Variants in DST observed in about 807,000 individuals in gnomAD.
The protein encoded by DST is dystonin, also known as bullous pemphigoid antigen.
In DST, 253 loss-of-function variants were observed where a neutral mutation model predicts 875.2. The observed-to-expected ratio is 0.29, with a 90% confidence interval of 0.26 to 0.32. The LOEUF is 0.32. Among genes scored for constraint, DST ranks in the 10% least tolerant of loss-of-function variants. DST has a pLI of 1.00. For synonymous variants in DST, 3,124 were observed against 3,197.1 expected, an observed-to-expected ratio of 0.98 and a Z score of 0.77; for missense variants, 8,287 against 9,111.6, an observed-to-expected ratio of 0.91 and a Z score of 3.68.
intron 54 of DST, among the ~76,000 whole-genome samples, chr6:56,568,860 T>C (rs951539353): frequency 6.6e-6 from 1 of 152,148 alleles, no homozygotes; most frequent in Admixed American, 6.6e-5. Flanking sequence ...AGTCAGGCTA[T>C]TCCTGGCTGC....
rs1231711765 is a variant in DST, at chr6:56,594,035, T to G, written c.12354A>C (p.Ala4118=). The change falls in exon 48 of 104, where the codon GCA becomes GCC. Residue 4118 remains alanine, a synonymous_variant. Transcript: ENST00000680361. ...TCATTTTCTTCTCTGACTCAGCCAG[T>G]GCAGTTTCATAATGCACTTTCAGTT... ...MKELKVHYET[A]LAESEKKMKL... 1 of 1,613,710 alleles carries G rather than the reference T, an allele frequency of 6.2e-7. No homozygotes were observed. The highest frequency in any genetic ancestry group is 8.5e-7 in the Non-Finnish European group (1 of 1,179,864).
At chr6:56,742,252 T>C in intron 4 of DST, 1 of 1,261,694 alleles carries the variant, frequency 7.9e-7, no homozygotes, top group Non-Finnish European at 1.0e-6. Context: ...AAAGTGATAG[T>C]ATATGTGATA....
intron 7 of DST, among the ~76,000 whole-genome samples, chr6:56,703,411 T>C (rs1238311198): frequency 1.3e-5 from 2 of 152,194 alleles, no homozygotes; most frequent in African/African-American, 4.8e-5. Context: ...TTAATTACCA[T>C]GCAGTGCACA....
intron 4 of DST, among the ~76,000 whole-genome samples, chr6:56,763,472 A>C (rs1449397906): frequency 6.6e-6 from 1 of 151,420 alleles, no homozygotes; most frequent in African/African-American, 2.4e-5. Flanking sequence ...AGGAGTTCGA[A>C]ACCAGCCTGG....
intron 36 of DST, chr6:56,617,062 T>A: frequency 6.2e-7 from 1 of 1,614,080 alleles, no homozygotes; most frequent in Non-Finnish European, 8.5e-7. Flanking sequence ...TTGAGGTGGC[T>A]TTCGTCAGAA....
rs1302765227 is a variant in DST, at chr6:56,920,152, G to C, written c.217-19531C>G. ...GCTACTGTAACAAAGAGATCCAAAA[G>C]TACAGCTATTAAAATAAGATCCAGT... On this transcript the variant is annotated intron_variant, in intron 2 of 103. Transcript: ENST00000680361. Among the ~76,000 whole-genome samples, 3 of 152,242 alleles carry C rather than the reference G, an allele frequency of 2.0e-5. No individual in the cohort carries two copies. The East Asian group carries it at 5.8e-4, about 29-fold the overall frequency.
At chr6:56,530,741 T>C (rs1429304731) in intron 64 of DST, among the ~76,000 whole-genome samples, 1 of 152,216 alleles carries the variant, frequency 6.6e-6, no homozygotes, top group African/African-American at 2.4e-5. Flanking sequence ...GGACTTTTAC[T>C]GGTACTTTAA....
intron 5 of DST, among the ~76,000 whole-genome samples, chr6:56,722,698 T>C (rs2099426794): frequency 6.6e-6 from 1 of 152,228 alleles, no homozygotes; most frequent in African/African-American, 2.4e-5. Flanking sequence ...TAGTACATGT[T>C]CTTTTTAGAA....
chr6:56,875,246 A>G (rs1427278285), intron 3 of DST, among the ~76,000 whole-genome samples: 1 of 152,128 alleles, frequency 6.6e-6, no homozygotes, highest in African/African-American at 2.4e-5. Context: ...AGCCTCCCAA[A>G]GTGCTGGGAT....
At chr6:56,535,470 A>C (rs1402180774) in intron 62 of DST, among the ~76,000 whole-genome samples, 178 bp from the exon 63 acceptor site, 1 of 152,198 alleles carries the variant, frequency 6.6e-6, no homozygotes. Flanking sequence ...AAGGAGACAA[A>C]CTTTAAGCAA....
At chr6:56,901,917 TA>T (rs1794322552) in intron 2 of DST, among the ~76,000 whole-genome samples, 1 of 152,106 alleles carries the variant, frequency 6.6e-6, no homozygotes. Context: ...AAATCTAACA[TA>T]GAGTTCATAA....
chr6:56,644,258 C>G (rs138984550), intron 15 of DST, among the ~76,000 whole-genome samples: 265 of 152,260 alleles, frequency 1.7e-3, no homozygotes, highest in African/African-American at 6.2e-3. Flanking sequence ...AAAGCTGCAT[C>G]CTGTATATTT....
intron 47 of DST, among the ~76,000 whole-genome samples, chr6:56,594,448 C>T (rs1384827699): frequency 2.0e-5 from 3 of 152,112 alleles, no homozygotes; most frequent in Admixed American, 1.3e-4. Flanking sequence ...AGGACAGACA[C>T]CATTTTTCAG....
Position 56,843,803 on chromosome 6 carries a change from C to CGGG in DST, c.625+7593_625+7594insCCC, listed in dbSNP as rs1489812979. The CGGG allele has an allele frequency of 1.3e-5, 8 of 596,860 alleles. No homozygotes were observed. The African/African-American group carries it at 1.6e-4, about 12-fold the overall frequency. The allele number at this position is 596,860 out of a possible 1,614,324, so 37.0% of individuals were successfully genotyped here. A position where few individuals can be genotyped will look rare whatever the true frequency, so the allele number is the denominator to read the frequency against. On this transcript the variant is annotated intron_variant, in intron 4 of 103. Coordinates refer to ENST00000680361, the MANE Select transcript of DST (RefSeq NM_001374736.1). ...GGGGCGAGCGCGGCGGTCAGCGCCCCGGCTGGCTCAGCTCCGGCCCCGGCG... is the reference window on the plus strand; with the variant it reads ...GGGGCGAGCGCGGCGGTCAGCGCCCCGGGGGCTGGCTCAGCTCCGGCCCCGGCG...
chr6:56,633,548 GC>G (rs2098801057), intron 27 of DST, among the ~76,000 whole-genome samples: 1 of 143,926 alleles, frequency 6.9e-6, no homozygotes, highest in South Asian at 2.2e-4. Flanking sequence ...CACTCTTATT[GC>G]CCAGGCTGGA....
At chr6:56,901,018 GTGCCACTTTAC>G (rs1793820912) in intron 2 of DST, among the ~76,000 whole-genome samples, 1 of 152,042 alleles carries the variant, frequency 6.6e-6, no homozygotes, top group Non-Finnish European at 1.5e-5. Context: ...CCAGGGTAAA[GTGCCACTTTAC>G]ATTCCTGAGA....
chr6:56,700,783 C>G (rs575993378), intron 8 of DST, among the ~76,000 whole-genome samples: 1 of 152,074 alleles, frequency 6.6e-6, no homozygotes, highest in Admixed American at 6.6e-5. Flanking sequence ...GAAAACATTT[C>G]AGAAGTATCC....
intron 5 of DST, among the ~76,000 whole-genome samples, chr6:56,726,581 T>A (rs2099459617): frequency 6.6e-6 from 1 of 152,244 alleles, no homozygotes. Context: ...GTCAGAAGAA[T>A]GAATCCTAAC....
chr6:56,665,797 C>A (rs1220663646), intron 10 of DST, among the ~76,000 whole-genome samples: 1 of 152,084 alleles, frequency 6.6e-6, no homozygotes, highest in East Asian at 1.9e-4. Flanking sequence ...ATGCAATATA[C>A]CCAAGTAACA....
Sources: allele counts gnomAD v4.1 joint callset (sites outside exome capture counted in the v4.1 genomes callset), GRCh38; gene constraint gnomAD v4.1.1; transcripts MANE v1.5; gene names NCBI Gene and HGNC (gene_info 2026-07-23, HGNC 2026-07-21).